The following AKAP10 variants were observed in gnomAD, a reference collection of about 807,000 sequenced individuals.
AKAP10 encodes the protein A-kinase anchoring protein 10, also known as A-kinase anchor protein 10, mitochondrial.
AKAP10 carries 24 observed loss-of-function variants against 80.8 expected under a neutral mutation model. The ratio of observed to expected loss-of-function variants is 0.30; its 90% CI spans 0.22 to 0.42. The LOEUF is 0.42. AKAP10 is among the 10% of genes least tolerant of loss of function. The pLI is 1.00. For synonymous variants in AKAP10, 291 were observed against 277.7 expected (o/e 1.05, Z -0.48); for missense variants, 661 against 794.9 (o/e 0.83, Z 2.03).
intron 4 of AKAP10, among the ~76,000 whole-genome samples, chr17:19,948,635 C>T (rs1272082955): frequency 6.6e-6 from 1 of 152,006 alleles, no homozygotes; most frequent in African/African-American, 2.4e-5. Context: ...ACTTTCTAGC[C>T]AGACAACAGG....
rs987431951 is a variant in AKAP10 at position 19,911,493 on chromosome 17, C to A, written c.1835-1515G>T. Among the ~76,000 whole-genome samples, 10 of 152,088 alleles carry A rather than the reference C, an allele frequency of 6.6e-5. No homozygotes were observed. In the East Asian group the frequency reaches 1.7e-3, roughly 26 times the overall value. On this transcript the variant is annotated intron_variant, in intron 12 of 14. Transcript: ENST00000225737. ...CCCTCATGCCAGTCTCTCCCACCTC[C>A]AATTCATTCTCATTCTACTGACAGG...
rs546427648 is a variant in AKAP10 at position 19,909,393 on chromosome 17, A to G, written c.1888-117T>C. ...CATAATTTCTACTTATTTGGATAAGAATTTCATTCCCATGTACGAAAAAAC... is the reference window on the plus strand; with the variant it reads ...CATAATTTCTACTTATTTGGATAAGGATTTCATTCCCATGTACGAAAAAAC... On this transcript the variant is annotated intron_variant, in intron 13 of 14. Coordinates refer to ENST00000225737, the MANE Select transcript of AKAP10 (RefSeq NM_007202.4). 4 of 909,574 alleles carry G rather than the reference A, an allele frequency of 4.4e-6. No homozygotes were observed. In the South Asian group the frequency reaches 7.8e-5, roughly 18 times the overall value. 56.3% of individuals were successfully genotyped at this position (909,574 alleles called of 1,614,324 possible).
At chr17:19,910,373 T>TA (rs1057008635) in intron 12 of AKAP10, among the ~76,000 whole-genome samples, 7 of 150,976 alleles carry the variant, frequency 4.6e-5, no homozygotes, top group South Asian at 2.1e-4. Flanking sequence ...ACAATGCTCT[T>TA]ATTTAAAAGC....
intron 10 of AKAP10, among the ~76,000 whole-genome samples, chr17:19,925,889 T>G (rs1344968718): frequency 1.3e-5 from 2 of 152,206 alleles, no homozygotes; most frequent in Non-Finnish European, 2.9e-5. Flanking sequence ...CAAAACTTAT[T>G]ACAAAGCAAT....
In AKAP10 at chr17:19,958,399, T is replaced by G; in HGVS notation, c.492A>C (p.Thr164=). 2 of 1,614,196 alleles carry G rather than the reference T, an allele frequency of 1.2e-6. No individual in the cohort carries two copies. ...TGTGTGCTCTTATTCGCGACCAAGTTGTTGAATGAAAACTTTCAGCCTCTA... is the reference window on the plus strand; with the variant it reads ...TGTGTGCTCTTATTCGCGACCAAGTGGTTGAATGAAAACTTTCAGCCTCTA... ...FWLEAESFHS[T]TWSRIRAHSL... Residue 164 remains threonine (T), a synonymous_variant, in exon 4 of 15, where the codon ACA becomes ACC. Coordinates refer to ENST00000225737, the MANE Select transcript of AKAP10 (RefSeq NM_007202.4).
intron 9 of AKAP10, 152 bp from the exon 10 acceptor site, chr17:19,932,130 C>T (rs908988979): frequency 1.3e-6 from 1 of 773,972 alleles, no homozygotes; most frequent in Non-Finnish European, 2.0e-6. Context: ...CAAGTATTAT[C>T]CCTTTGTACA....
At chr17:19,925,624 C>T (rs2042868058) in intron 10 of AKAP10, among the ~76,000 whole-genome samples, 1 of 149,198 alleles carries the variant, frequency 6.7e-6, no homozygotes, top group East Asian at 2.0e-4. Context: ...AAATAAAAGA[C>T]ATAAACAAGC....
At chr17:19,911,748 T>C (rs986077606) in intron 12 of AKAP10, among the ~76,000 whole-genome samples, 4 of 140,288 alleles carry the variant, frequency 2.9e-5, no homozygotes, top group African/African-American at 1.0e-4. Context: ...GGCAGGAGAA[T>C]TGCTTGAACC....
intron 1 of AKAP10, among the ~76,000 whole-genome samples, chr17:19,974,706 ATTTT>A (rs55940277): frequency 6.8e-6 from 1 of 146,510 alleles, no homozygotes; most frequent in Non-Finnish European, 1.5e-5. Flanking sequence ...ACCTAGAATG[ATTTT>A]TTTTTTTTTT....
intron 1 of AKAP10, among the ~76,000 whole-genome samples, chr17:19,969,321 G>A (rs1027632781): frequency 6.6e-6 from 1 of 152,072 alleles, no homozygotes; most frequent in African/African-American, 2.4e-5. Context: ...CTCCAGCCTG[G>A]GAGACAAAGA....
chr17:19,909,301 G>A (rs775755902), intron 13 of AKAP10, 25 bp from the exon 14 acceptor site: 10 of 1,588,962 alleles, frequency 6.3e-6, no homozygotes, highest in Middle Eastern at 3.3e-4. Context: ...TTAAACTGGT[G>A]ATAATGGTTA....
intron 14 of AKAP10, among the ~76,000 whole-genome samples, chr17:19,908,183 A>G (rs1240501294): frequency 1.3e-5 from 2 of 152,090 alleles, no homozygotes; most frequent in Non-Finnish European, 2.9e-5. Context: ...AGACATTCTA[A>G]CTTTACACTG....
At chr17:19,939,257 A>G (rs2043026943) in intron 8 of AKAP10, among the ~76,000 whole-genome samples, 1 of 152,178 alleles carries the variant, frequency 6.6e-6, no homozygotes, top group Non-Finnish European at 1.5e-5. Context: ...TAGGCATTCA[A>G]GGTCCCTTAC....
At chr17:19,933,270 C>T (rs2042957787) in intron 9 of AKAP10, among the ~76,000 whole-genome samples, 2 of 152,290 alleles carry the variant, frequency 1.3e-5, no homozygotes, top group South Asian at 4.1e-4. Flanking sequence ...CCACCCGCCT[C>T]GATCTTCCAA....
chr17:19,916,179 T>TCA (rs1227220616), intron 12 of AKAP10, among the ~76,000 whole-genome samples: 1 of 152,214 alleles, frequency 6.6e-6, no homozygotes, highest in African/African-American at 2.4e-5. Context: ...TGCCACCTCC[T>TCA]CAGTGAGGCC....
chr17:19,944,184 T>C (rs1472828563), intron 5 of AKAP10, among the ~76,000 whole-genome samples: 6 of 152,128 alleles, frequency 3.9e-5, no homozygotes, highest in Admixed American at 6.5e-5. Context: ...TCTAGATAAA[T>C]TGTCCTTGCT....
intron 4 of AKAP10, among the ~76,000 whole-genome samples, chr17:19,956,993 C>A (rs1354483039): frequency 6.6e-6 from 1 of 151,920 alleles, no homozygotes. Context: ...CATTTTAGTT[C>A]ACTGAGAATG....
At position 19,931,884 on chromosome 17, in the gene AKAP10, T is replaced by C; in HGVS notation, c.1562A>G (p.Asn521Ser). The change falls in exon 10 of 15, where the codon AAC (asparagine) becomes AGC (serine). Residue 521 changes from asparagine (N) to serine (S), a missense_variant. By Grantham distance (46) the Asn-to-Ser change is conservative. Coordinates refer to ENST00000225737, the MANE Select transcript of AKAP10 (RefSeq NM_007202.4). The part of the protein sequence containing the change: ...SVRGDEFLGG[N>S]VSLTAPGSVG... ...AGAGCCAGGAGCAGTCAGCGACACGTTCCCGCCCAGAAATTCATCTCCTCG... is the reference window on the plus strand; with the variant it reads ...AGAGCCAGGAGCAGTCAGCGACACGCTCCCGCCCAGAAATTCATCTCCTCG... The C allele has an allele frequency of 1.2e-6, 2 of 1,614,126 alleles. No individual in the cohort carries two copies. Among genetic ancestry groups the C allele is most frequent in the Non-Finnish European group, 1.7e-6 (2 of 1,180,022 alleles).
At chr17:19,940,418 G>A (rs2043039807) in intron 7 of AKAP10, among the ~76,000 whole-genome samples, 1 of 152,158 alleles carries the variant, frequency 6.6e-6, no homozygotes, top group South Asian at 2.1e-4. Flanking sequence ...CTAACAAAGA[G>A]CATTATACTA....
Sources: allele counts gnomAD v4.1 joint callset (sites outside exome capture counted in the v4.1 genomes callset), GRCh38; gene constraint gnomAD v4.1.1; transcripts MANE v1.5; gene names NCBI Gene and HGNC (gene_info 2026-07-23, HGNC 2026-07-21).